NUDT5: variants seen among roughly 807,000 people sequenced by gnomAD.
NUDT5 encodes the protein nudix hydrolase 5.
A neutral mutation model predicts 34.1 loss-of-function variants in NUDT5; 21 were observed. That is an observed-to-expected ratio of 0.62 (90% CI 0.44 to 0.89). The LOEUF (loss-of-function observed/expected upper bound fraction) is 0.89, where lower values mean the gene tolerates loss of function less well. Among genes scored for constraint, NUDT5 ranks in the 40% least tolerant of loss-of-function variants. The pLI, the probability that NUDT5 is intolerant of heterozygous loss-of-function variation, is 0.00. For synonymous variants in NUDT5, 85 were observed against 97.6 expected (o/e 0.87, Z 0.76); for missense variants, 249 against 274.8 (o/e 0.91, Z 0.66).
At chr10:12,192,310 AAAAAG>A (rs1029920627) in intron 1 of NUDT5, among the ~76,000 whole-genome samples, 82 of 152,122 alleles carry the variant, frequency 5.4e-4, no homozygotes, top group Admixed American at 9.8e-4. Flanking sequence ...CTCCAAAAAA[AAAAAG>A]AAAAGAAAAG....
chr10:12,193,890 A>C, intron 1 of NUDT5, among the ~76,000 whole-genome samples: 1 of 144,510 alleles, frequency 6.9e-6, no homozygotes, highest in Non-Finnish European at 1.5e-5. Context: ...TTTTCCCGAG[A>C]CGGAAAAAAA....
In NUDT5 at chr10:12,171,692, TTTATTTA is replaced by T. The variant is rs1564422278; in HGVS notation, c.488-791_488-785del. ...AGTTCAAAAATTAAGATTTATTTTA[TTTATTTA>T]TTTATTTATTTATTTATTTATTTAT... On this transcript the variant is annotated intron_variant, in intron 7 of 9. Transcript: ENST00000491614. The surrounding 1 kb of genome is among the most constrained non-coding windows in gnomAD (Gnocchi z 4.2). 3.1e-4 allele frequency among the ~76,000 whole-genome samples: 14 copies of T among 45,378 alleles called. No individual in the cohort carries two copies. The highest frequency in any genetic ancestry group is 0.013 in the Middle Eastern group (1 of 80). The allele number at this position is 45,378 out of a possible 152,430, so 29.8% of individuals were successfully genotyped here. A position where few individuals can be genotyped will look rare whatever the true frequency, so the allele number is the denominator to read the frequency against.
chr10:12,172,652 A>G, intron 7 of NUDT5, 113 bp downstream of exon 7: 1 of 706,422 alleles, frequency 1.4e-6, no homozygotes, highest in Non-Finnish European at 2.5e-6. Context: ...GTCTATTTGA[A>G]AGACCGATTC....
Position 12,167,313 on chromosome 10 carries a change from C to A in NUDT5, c.*389G>T, listed in dbSNP as rs551483580. The A allele has an allele frequency of 4.0e-5, 7 of 174,584 alleles. No homozygotes were observed. Among genetic ancestry groups the A allele is most frequent in the Non-Finnish European group, 6.2e-5 (5 of 81,198 alleles). 10.8% of individuals were successfully genotyped at this position (174,584 alleles called of 1,614,324 possible). On this transcript the variant is annotated 3_prime_UTR_variant, in exon 10 of 10. Coordinates refer to ENST00000491614, the MANE Select transcript of NUDT5 (RefSeq NM_014142.4). ...AACGGAGTACATGGTTATTTGCATACCCAGCTTAGAATTTTATATTGGGGG... is the reference window on the plus strand; with the variant it reads ...AACGGAGTACATGGTTATTTGCATAACCAGCTTAGAATTTTATATTGGGGG...
At chr10:12,186,632 CTTTTT>C (rs1554803677) in intron 1 of NUDT5, among the ~76,000 whole-genome samples, 1 of 54,610 alleles carries the variant, frequency 1.8e-5, no homozygotes, top group African/African-American at 6.2e-5. Context: ...TTTTTTTTTT[CTTTTT>C]TGTTTTTTTT....
Position 12,181,085 on chromosome 10 carries a change from T to G in NUDT5, c.132-1953A>C, listed in dbSNP as rs139662884. The stretch of plus-strand genomic sequence containing the variant: ...TATCCGTGGGTTCTGCATTCATGGA[T>G]TCAACCAACCACCCATTGAAAATAT... On this transcript the variant is annotated intron_variant, in intron 3 of 9. Coordinates refer to ENST00000491614, the MANE Select transcript of NUDT5 (RefSeq NM_014142.4). The surrounding 1 kb of genome is among the most constrained non-coding windows in gnomAD (Gnocchi z 5.0). 2.8e-4 allele frequency among the ~76,000 whole-genome samples: 42 copies of G among 152,322 alleles called. No homozygotes were observed. Among genetic ancestry groups the G allele is most frequent in the African/African-American group, 1.0e-3 (42 of 41,582 alleles).
chr10:12,180,257 A>C (rs2131708246), intron 3 of NUDT5: 1 of 152,366 alleles, frequency 6.6e-6, no homozygotes, highest in Non-Finnish European at 1.5e-5. Context: ...CGAAGGCCAA[A>C]TATGTCAAAA....
chr10:12,195,395 C>A (rs1296817383), intron 1 of NUDT5, among the ~76,000 whole-genome samples: 1 of 152,166 alleles, frequency 6.6e-6, no homozygotes, highest in Non-Finnish European at 1.5e-5. Context: ...CAAGGAGACT[C>A]CTCTTTCCTC....
intron 2 of NUDT5, among the ~76,000 whole-genome samples, chr10:12,185,679 A>G (rs1835115188): frequency 6.6e-6 from 1 of 152,224 alleles, no homozygotes; most frequent in Non-Finnish European, 1.5e-5. Flanking sequence ...CAACATGGAA[A>G]GATTTTAAAC....
rs1834864280 is a variant in NUDT5 at position 12,171,883 on chromosome 10, C to T, written c.487+882G>A. 6.6e-6 allele frequency among the ~76,000 whole-genome samples: 1 copy of T among 151,832 alleles called. No individual in the cohort carries two copies. The highest frequency in any genetic ancestry group is 2.4e-5 in the African/African-American group (1 of 41,306). On this transcript the variant is annotated intron_variant, in intron 7 of 9. Coordinates refer to ENST00000491614, the MANE Select transcript of NUDT5 (RefSeq NM_014142.4). This position sits in a 1 kb window ranked among gnomAD's most constrained non-coding sequence, Gnocchi z 4.2. ...GGGATTACAGGTGCGCACCACCATG[C>T]CTGGCTAATTTTTGTATTTTTAGTA...
chr10:12,167,931 G>T, intron 9 of NUDT5, 120 bp from the exon 10 acceptor site: 1 of 1,446,358 alleles, frequency 6.9e-7, no homozygotes, highest in Non-Finnish European at 9.0e-7. Context: ...AGATGCTGGT[G>T]ATAACGTTTT....
Position 12,171,750 on chromosome 10 carries a change from G to T in NUDT5, c.488-842C>A, listed in dbSNP as rs549037739. Among the ~76,000 whole-genome samples, 1 of 149,074 alleles carries T rather than the reference G, an allele frequency of 6.7e-6. No homozygotes were observed. The highest frequency in any genetic ancestry group is 2.0e-4 in the East Asian group (1 of 5,098). ...TTATTTATTTATTTTTTGGAGACAG[G>T]GTCTCAGTCTGTTGCCCGGGCTGGA... On this transcript the variant is annotated intron_variant, in intron 7 of 9. Coordinates refer to ENST00000491614, the MANE Select transcript of NUDT5 (RefSeq NM_014142.4). This position sits in a 1 kb window ranked among gnomAD's most constrained non-coding sequence, Gnocchi z 4.2.
chr10:12,186,636 T>G (rs1378493949), intron 1 of NUDT5, among the ~76,000 whole-genome samples: 1 of 149,034 alleles, frequency 6.7e-6, no homozygotes, highest in Non-Finnish European at 1.5e-5. Flanking sequence ...TTTTTTCTTT[T>G]TTGTTTTTTT....
chr10:12,183,959 G>C (rs1208035396), intron 3 of NUDT5, among the ~76,000 whole-genome samples: 1 of 152,134 alleles, frequency 6.6e-6, no homozygotes. Flanking sequence ...TATTTAGGTT[G>C]CTTTCAGTTT....
rs564058180 is a variant in NUDT5 at position 12,188,999 on chromosome 10, G to A, written c.-41-2667C>T. 1.3e-4 allele frequency among the ~76,000 whole-genome samples: 20 copies of A among 152,334 alleles called. No individual in the cohort carries two copies. In the East Asian group the frequency reaches 2.1e-3, roughly 16 times the overall value. On this transcript the variant is annotated intron_variant, in intron 1 of 9. Transcript: ENST00000491614. ...TGAAAGCAATAAGGAAGTAAACCACGTAGAAGTTTAAATATTTAGAGACAG... is the reference window on the plus strand; with the variant it reads ...TGAAAGCAATAAGGAAGTAAACCACATAGAAGTTTAAATATTTAGAGACAG...
In NUDT5 at chr10:12,186,165, A is replaced by G. The variant is rs192736374; in HGVS notation, c.63+64T>C. On this transcript the variant is annotated intron_variant, in intron 2 of 9. Transcript: ENST00000491614. ...AAGACCACCATTGTAACAACAGTCT[A>G]TATATTTCTGCTAAACTCAGATTTA... The G allele has an allele frequency of 2.9e-5, 35 of 1,193,572 alleles. No homozygotes were observed. The East Asian group carries it at 6.0e-4, about 21-fold the overall frequency. The allele number at this position is 1,193,572 out of a possible 1,614,324, so 73.9% of individuals were successfully genotyped here.
intron 1 of NUDT5, among the ~76,000 whole-genome samples, chr10:12,192,353 A>T (rs1835246300): frequency 6.6e-6 from 1 of 152,010 alleles, no homozygotes; most frequent in African/African-American, 2.4e-5. Flanking sequence ...AGAGAGGATC[A>T]ATTTTTTTTG....
rs147105378 is a variant in NUDT5, at chr10:12,184,915, C to T, written c.105G>A (p.Thr35=). 77 of 1,582,000 alleles carry T rather than the reference C, an allele frequency of 4.9e-5. No homozygotes were observed. The African/African-American group carries it at 5.0e-4, about 10-fold the overall frequency. Residue 35 remains threonine, a synonymous_variant, in exon 3 of 10, where the codon ACG becomes ACA. Coordinates refer to ENST00000491614, the MANE Select transcript of NUDT5 (RefSeq NM_014142.4). ...EGKWVKLEKT[T]YMDPTGKTRT... ...TAGTTTTACCAGTAGGATCCATGTA[C>T]GTTGTTTTTTCAAGCTTGACCCATT...
At position 12,195,758 on chromosome 10, in the gene NUDT5, C is replaced by G; in HGVS notation, c.-42+12G>C. 1 of 166,832 alleles carries G rather than the reference C, an allele frequency of 6.0e-6. No homozygotes were observed. Among genetic ancestry groups the G allele is most frequent in the Non-Finnish European group, 1.3e-5 (1 of 75,886 alleles). 10.3% of individuals were successfully genotyped at this position (166,832 alleles called of 1,614,324 possible). A position where few individuals can be genotyped will look rare whatever the true frequency, so the allele number is the denominator to read the frequency against. ...GGTTTTGTGCTGTGACTGGCTTGCC[C>G]CGGTTACTTACTCCAAGGTGTAGGG... On this transcript the variant is annotated intron_variant, in intron 1 of 9. Transcript: ENST00000491614.
Sources: allele counts gnomAD v4.1 joint callset (sites outside exome capture counted in the v4.1 genomes callset), GRCh38; gene constraint gnomAD v4.1.1; non-coding constraint Gnocchi (gnomAD v3.1); transcripts MANE v1.5; gene names NCBI Gene and HGNC (gene_info 2026-07-23, HGNC 2026-07-21).